Variants in PPP1R12B observed in about 807,000 individuals in gnomAD.
PPP1R12B encodes the protein myosin phosphatase target subunit 2.
A neutral mutation model predicts 126.1 loss-of-function variants in PPP1R12B; 76 were observed. That is an observed-to-expected ratio of 0.60 (90% CI 0.50 to 0.73). The LOEUF (loss-of-function observed/expected upper bound fraction) is 0.73. Among genes scored for constraint, PPP1R12B ranks in the 30% least tolerant of loss-of-function variants. The pLI is 0.00. For missense variants in PPP1R12B, 1,052 were observed against 1,205.1 expected (o/e 0.87, Z 1.88); for synonymous variants, 356 against 434.7 (o/e 0.82, Z 2.25).
chr1:202,524,632 T>G (rs1683125784), intron 18 of PPP1R12B, among the ~76,000 whole-genome samples: 1 of 152,232 alleles, frequency 6.6e-6, no homozygotes, highest in Non-Finnish European at 1.5e-5. Context: ...TTTCAGTTCC[T>G]GAGTTACTTC....
chr1:202,361,067 A>AT (rs1446146027), intron 1 of PPP1R12B, among the ~76,000 whole-genome samples: 1 of 151,338 alleles, frequency 6.6e-6, no homozygotes, highest in Non-Finnish European at 1.5e-5. Flanking sequence ...ATTTTTTTGT[A>AT]TTTTTTTAGT....
chr1:202,567,122 C>T (rs1688122835), intron 21 of PPP1R12B, among the ~76,000 whole-genome samples: 1 of 152,108 alleles, frequency 6.6e-6, no homozygotes, highest in South Asian at 2.1e-4. Context: ...ATCTTTTATT[C>T]AAATAAAATT....
At chr1:202,424,518 T>G (rs570476948) in intron 3 of PPP1R12B, among the ~76,000 whole-genome samples, 18 of 152,198 alleles carry the variant, frequency 1.2e-4, no homozygotes, top group Non-Finnish European at 2.2e-4. Context: ...GAGACAGGGT[T>G]TCACCATGTT....
intron 18 of PPP1R12B, among the ~76,000 whole-genome samples, chr1:202,556,484 C>T (rs1395151196): frequency 2.0e-5 from 3 of 152,070 alleles, no homozygotes; most frequent in Non-Finnish European, 4.4e-5. Context: ...GGGAAACGTT[C>T]CCTCCATAAC....
At chr1:202,488,740 C>T in intron 14 of PPP1R12B, 117 bp downstream of exon 14, 2 of 958,986 alleles carry the variant, frequency 2.1e-6, no homozygotes, top group East Asian at 2.7e-5. Context: ...CACACACACA[C>T]ACGCTCACGG....
Position 202,585,751 on chromosome 1 carries a change from C to T in PPP1R12B, c.*5191C>T, listed in dbSNP as rs970712426. 6.6e-6 allele frequency: 1 copy of T among 152,212 alleles called. No homozygotes were observed. The highest frequency in any genetic ancestry group is 1.5e-5 in the Non-Finnish European group (1 of 68,044). 9.4% of individuals were successfully genotyped at this position (152,212 alleles called of 1,614,324 possible). On this transcript the variant is annotated 3_prime_UTR_variant, in exon 24 of 24. Transcript: ENST00000608999. ...GGGTAATTGAATGATGTTGCAATGG[C>T]TTTCCCTCCTGCTGGCTTGGTAAGA...
At chr1:202,571,725 T>C (rs1688629909) in intron 23 of PPP1R12B, among the ~76,000 whole-genome samples, 1 of 152,174 alleles carries the variant, frequency 6.6e-6, no homozygotes, top group Non-Finnish European at 1.5e-5. Context: ...CAAAGTGCTG[T>C]GATTACAGGT....
chr1:202,567,048 G>T (rs1207627084), intron 21 of PPP1R12B, among the ~76,000 whole-genome samples: 3 of 152,096 alleles, frequency 2.0e-5, no homozygotes, highest in Non-Finnish European at 2.9e-5. Context: ...TTTGCCGTGA[G>T]GCTAAGTCTT....
At chr1:202,558,508 A>G (rs1364692796) in intron 18 of PPP1R12B, 4 of 180,100 alleles carry the variant, frequency 2.2e-5, no homozygotes, top group Non-Finnish European at 4.6e-5. Flanking sequence ...GAGAGGCCAA[A>G]TGTCACATAG....
At chr1:202,353,586 TTGTGTGTGTG>T (rs58683662) in intron 1 of PPP1R12B, among the ~76,000 whole-genome samples, 7,453 of 120,802 alleles carry the variant, frequency 0.062, 357 homozygotes, top group South Asian at 0.23. Flanking sequence ...TTCTTCTTCT[TTGTGTGTGTG>T]TGTGTGTGTG....
At chr1:202,425,331 G>A (rs2148645826) in intron 3 of PPP1R12B, among the ~76,000 whole-genome samples, 1 of 152,248 alleles carries the variant, frequency 6.6e-6, no homozygotes, top group South Asian at 2.1e-4. Flanking sequence ...AATTTTAGGT[G>A]CATTCCCTTA....
chr1:202,496,720 G>C, intron 17 of PPP1R12B, 61 bp from the exon 18 acceptor site: 1 of 1,481,728 alleles, frequency 6.7e-7, no homozygotes, highest in South Asian at 1.1e-5. Context: ...ATCTGACCTT[G>C]TTGCTTTCAA....
At chr1:202,538,775 C>T (rs1443818015) in intron 18 of PPP1R12B, among the ~76,000 whole-genome samples, 1 of 152,206 alleles carries the variant, frequency 6.6e-6, no homozygotes, top group African/African-American at 2.4e-5. Flanking sequence ...CAAAATCCTT[C>T]AACACTATGC....
intron 18 of PPP1R12B, among the ~76,000 whole-genome samples, chr1:202,546,137 T>C (rs1685632135): frequency 6.6e-6 from 1 of 151,904 alleles, no homozygotes; most frequent in African/African-American, 2.4e-5. Flanking sequence ...GGGTGAGAAA[T>C]GTTAAGGGCC....
intron 18 of PPP1R12B, among the ~76,000 whole-genome samples, chr1:202,539,038 G>A (rs1684839534): frequency 6.6e-6 from 1 of 152,234 alleles, no homozygotes; most frequent in Non-Finnish European, 1.5e-5. Flanking sequence ...CAGAGCTTCA[G>A]TTTGCTTCCT....
rs149400728 is a variant in PPP1R12B at position 202,560,608 on chromosome 1, A to G, written c.2507+1715A>G. ...TTTGTGGGTTTTAGCCAGCTTCTTC[A>G]CTGCCACCTGCTTTATCAGCAAGGT... On this transcript the variant is annotated intron_variant, in intron 19 of 23. Coordinates refer to ENST00000608999, the MANE Select transcript of PPP1R12B (RefSeq NM_002481.4). 5.3e-3 allele frequency among the ~76,000 whole-genome samples: 805 copies of G among 152,186 alleles called. 2 individuals are homozygous for G. Among genetic ancestry groups the G allele is most frequent in the Middle Eastern group, 0.014 (4 of 294 alleles).
chr1:202,500,707 A>G (rs761919772), intron 18 of PPP1R12B, among the ~76,000 whole-genome samples: 1 of 152,244 alleles, frequency 6.6e-6, no homozygotes, highest in African/African-American at 2.4e-5. Flanking sequence ...ATATTTTCAA[A>G]TAGCTAGAAA....
intron 13 of PPP1R12B, among the ~76,000 whole-genome samples, chr1:202,452,930 A>G (rs1673191074): frequency 6.6e-6 from 1 of 151,780 alleles, no homozygotes; most frequent in African/African-American, 2.4e-5. Context: ...GCCTTCCGAA[A>G]TGCTAAGATT....
chr1:202,496,073 T>C (rs1679521392), intron 17 of PPP1R12B, among the ~76,000 whole-genome samples: 1 of 152,250 alleles, frequency 6.6e-6, no homozygotes, highest in Non-Finnish European at 1.5e-5. Flanking sequence ...GCAGAGATTC[T>C]AACTAAATAT....
Sources: allele counts gnomAD v4.1 joint callset (sites outside exome capture counted in the v4.1 genomes callset), GRCh38; gene constraint gnomAD v4.1.1; transcripts MANE v1.5; gene names NCBI Gene and HGNC (gene_info 2026-07-23, HGNC 2026-07-21).